The following NCKAP1 variants were observed in gnomAD, a reference collection of about 807,000 sequenced individuals.
NCKAP1 encodes the protein NCK associated protein 1.
NCKAP1 carries 21 observed loss-of-function variants against 151.2 expected under a neutral mutation model. The ratio of observed to expected loss-of-function variants is 0.14; its 90% CI spans 0.10 to 0.20. The LOEUF (loss-of-function observed/expected upper bound fraction) is 0.20. NCKAP1 is among the 10% of genes least tolerant of loss of function. The pLI is 1.00. For synonymous variants in NCKAP1, 484 were observed against 451.8 expected, an observed-to-expected ratio of 1.07 and a Z score of -0.90; for missense variants, 933 against 1,352.1, an observed-to-expected ratio of 0.69 and a Z score of 4.86.
intron 2 of NCKAP1, among the ~76,000 whole-genome samples, chr2:183,014,655 CAT>C (rs1575065821): frequency 6.6e-6 from 1 of 152,268 alleles, no homozygotes; most frequent in East Asian, 1.9e-4. Context: ...TACTCTGCAA[CAT>C]GTGTTATTTA....
At chr2:182,927,444 A>C (rs556487710) in intron 29 of NCKAP1, among the ~76,000 whole-genome samples, 1 of 152,212 alleles carries the variant, frequency 6.6e-6, no homozygotes, top group East Asian at 1.9e-4. Context: ...TTTTTAAAAA[A>C]GCTGACAGGA....
At chr2:182,982,667 G>C (rs746124462) in intron 12 of NCKAP1, among the ~76,000 whole-genome samples, 154 bp downstream of exon 12, 2 of 152,084 alleles carry the variant, frequency 1.3e-5, no homozygotes, top group Non-Finnish European at 2.9e-5. Context: ...GGTAGGCTAG[G>C]CTAAGCTCTA....
At chr2:182,942,810 C>G (rs1697024761) in intron 23 of NCKAP1, among the ~76,000 whole-genome samples, 1 of 151,920 alleles carries the variant, frequency 6.6e-6, no homozygotes, top group Non-Finnish European at 1.5e-5. Context: ...GAAGAATGTT[C>G]TCCTCAAAAG....
At chr2:183,013,741 T>C (rs12622778) in intron 2 of NCKAP1, among the ~76,000 whole-genome samples, 2,483 of 152,246 alleles carry the variant, frequency 0.016, 56 homozygotes, top group African/African-American at 0.044. Flanking sequence ...CTCACTATGG[T>C]CCAGAAAGCC....
At chr2:183,035,688 G>A (rs1388208501) in intron 1 of NCKAP1, among the ~76,000 whole-genome samples, 1 of 152,142 alleles carries the variant, frequency 6.6e-6, no homozygotes, top group East Asian at 1.9e-4. Context: ...AGCCAGCTGG[G>A]AAGATATGCC....
intron 24 of NCKAP1, among the ~76,000 whole-genome samples, chr2:182,940,478 C>T (rs971135942): frequency 6.6e-6 from 1 of 151,438 alleles, no homozygotes; most frequent in Non-Finnish European, 1.5e-5. Context: ...TTGCTCTTGT[C>T]GCCCAGGCTG....
At position 182,917,505 on chromosome 2, in the gene NCKAP1, C is replaced by T. The variant is rs1293093465; in HGVS notation, c.*8197G>A. ...CTTCCAGCTACAAATGACTAAAATG[C>T]TCCATCATTACAATCATTGATACAT... On this transcript the variant is annotated 3_prime_UTR_variant, in exon 31 of 31. Coordinates refer to ENST00000361354, the MANE Select transcript of NCKAP1 (RefSeq NM_013436.5). 6.6e-6 allele frequency: 1 copy of T among 152,176 alleles called. No homozygotes were observed. Among genetic ancestry groups the T allele is most frequent in the Non-Finnish European group, 1.5e-5 (1 of 68,014 alleles). 9.4% of individuals were successfully genotyped at this position (152,176 alleles called of 1,614,324 possible). A position where few individuals can be genotyped will look rare whatever the true frequency, so the allele number is the denominator to read the frequency against.
intron 6 of NCKAP1, among the ~76,000 whole-genome samples, chr2:183,000,998 G>A (rs1453283900): frequency 6.6e-6 from 1 of 152,190 alleles, no homozygotes; most frequent in Non-Finnish European, 1.5e-5. Flanking sequence ...TCGAGGCAGG[G>A]GCAGGAGAAT....
chr2:182,925,416 T>A lies in NCKAP1; in HGVS notation c.*286A>T. 1 of 176,222 alleles carries A rather than the reference T, an allele frequency of 5.7e-6. No individual in the cohort carries two copies. The allele number at this position is 176,222 out of a possible 1,614,324, so 10.9% of individuals were successfully genotyped here. A position where few individuals can be genotyped will look rare whatever the true frequency, so the allele number is the denominator to read the frequency against. On this transcript the variant is annotated 3_prime_UTR_variant, in exon 31 of 31. Coordinates refer to ENST00000361354, the MANE Select transcript of NCKAP1 (RefSeq NM_013436.5). The stretch of plus-strand genomic sequence containing the variant: ...AGAAATAAACAAGCAAAGATTTTTT[T>A]CATTATCAAATATCAAAAACATGTT...
In NCKAP1 at chr2:183,001,942, C is replaced by T; in HGVS notation, c.603+11G>A. ...GCCCATTCTCTCATATGCCTAACAA[C>T]TGCCTCTTACCTTGCTATGGGGTAC... On this transcript the variant is annotated intron_variant, in intron 6 of 30. Transcript: ENST00000361354. 1 of 1,603,816 alleles carries T rather than the reference C, an allele frequency of 6.2e-7. No individual in the cohort carries two copies. Among genetic ancestry groups the T allele is most frequent in the Non-Finnish European group, 8.5e-7 (1 of 1,170,860 alleles).
chr2:182,914,257 T>C lies in NCKAP1; in HGVS notation c.*11445A>G, dbSNP rs773507724. On this transcript the variant is annotated 3_prime_UTR_variant, in exon 31 of 31. Coordinates refer to ENST00000361354, the MANE Select transcript of NCKAP1 (RefSeq NM_013436.5). The stretch of plus-strand genomic sequence containing the variant: ...CACATAGTAGGTATTTTAAAAACTA[T>C]ATTCATTGAACTGATGTTAGGATAT... The C allele has an allele frequency of 1.3e-5, 2 of 152,230 alleles. No individual in the cohort carries two copies. The highest frequency in any genetic ancestry group is 6.5e-5 in the Admixed American group (1 of 15,274). 9.4% of individuals were successfully genotyped at this position (152,230 alleles called of 1,614,324 possible).
rs1024711441 is a variant in NCKAP1, at chr2:182,911,438, G to A, written c.*14264C>T. 9 of 152,050 alleles carry A rather than the reference G, an allele frequency of 5.9e-5. No individual in the cohort carries two copies. The highest frequency in any genetic ancestry group is 2.2e-4 in the African/African-American group (9 of 41,378). The allele number at this position is 152,050 out of a possible 1,614,324, so 9.4% of individuals were successfully genotyped here. A position where few individuals can be genotyped will look rare whatever the true frequency, so the allele number is the denominator to read the frequency against. On this transcript the variant is annotated 3_prime_UTR_variant, in exon 31 of 31. Transcript: ENST00000361354. ...ACTATATGAATAAGACCAAAAAATG[G>A]CCATCAGTTCATGACTTTATTAACT...
Position 182,926,861 on chromosome 2 carries a change from T to C in NCKAP1, c.3225A>G (p.Lys1075=). 1 of 1,606,244 alleles carries C rather than the reference T, an allele frequency of 6.2e-7. No individual in the cohort carries two copies. The highest frequency in any genetic ancestry group is 8.5e-7 in the Non-Finnish European group (1 of 1,175,210). The change falls in exon 30 of 31, where the codon AAA becomes AAG. Residue 1075 remains lysine, a synonymous_variant. Coordinates refer to ENST00000361354, the MANE Select transcript of NCKAP1 (RefSeq NM_013436.5). Reference sequence around the variant, plus strand: ...CAGATTCTCTATTTCTTGTTGTAGTTTTATCTGTCTCCTGGCCAATTTTCA... The same window carrying C: ...CAGATTCTCTATTTCTTGTTGTAGTCTTATCTGTCTCCTGGCCAATTTTCA... The part of the protein sequence containing the change: ...SLLKIGQETD[K]TTTRNRESVY...
chr2:182,993,840 T>C (rs1575053417), intron 8 of NCKAP1, among the ~76,000 whole-genome samples: 2 of 152,166 alleles, frequency 1.3e-5, no homozygotes, highest in South Asian at 2.1e-4. Flanking sequence ...AACCTGCACA[T>C]GTATGCATGA....
chr2:182,963,504 A>G (rs1406676197), intron 17 of NCKAP1, among the ~76,000 whole-genome samples: 1 of 152,150 alleles, frequency 6.6e-6, no homozygotes, highest in African/African-American at 2.4e-5. Context: ...GCCTTTGGCT[A>G]CGGTGCCAAG....
intron 2 of NCKAP1, among the ~76,000 whole-genome samples, chr2:183,007,381 A>G (rs915613866): frequency 6.6e-5 from 10 of 152,228 alleles, no homozygotes; most frequent in African/African-American, 2.2e-4. Flanking sequence ...AATCCTGGTA[A>G]TTAATCTTTG....
intron 20 of NCKAP1, among the ~76,000 whole-genome samples, chr2:182,953,574 GCAGATGA>G (rs1178574859): frequency 6.6e-6 from 1 of 152,190 alleles, no homozygotes; most frequent in Non-Finnish European, 1.5e-5. Flanking sequence ...GACGAGGCGG[GCAGATGA>G]CTTGAAGTCA....
chr2:183,024,734 C>T (rs1188315871), intron 1 of NCKAP1, among the ~76,000 whole-genome samples: 2 of 152,140 alleles, frequency 1.3e-5, no homozygotes, highest in East Asian at 1.9e-4. Flanking sequence ...AGATGTTATT[C>T]CTTAGGGAAT....
At position 182,979,036 on chromosome 2, in the gene NCKAP1, TA is replaced by T. The variant is rs1344157129; in HGVS notation, c.1342-122del. On this transcript the variant is annotated intron_variant, in intron 13 of 30. Coordinates refer to ENST00000361354, the MANE Select transcript of NCKAP1 (RefSeq NM_013436.5). ...CATACTATGGAATATTTTTCAGTAATAAAAAAGAAATGAAATTTTAACACAC... is the reference window on the plus strand; with the variant it reads ...CATACTATGGAATATTTTTCAGTAATAAAAAGAAATGAAATTTTAACACAC... The T allele has an allele frequency of 1.0e-5, 5 of 482,204 alleles. No homozygotes were observed. The South Asian group carries it at 2.7e-4, about 26-fold the overall frequency. The allele number at this position is 482,204 out of a possible 1,614,324, so 29.9% of individuals were successfully genotyped here.
Sources: gnomAD v4.1 joint callset for allele counts (sites outside exome capture counted in the v4.1 genomes callset) on GRCh38, gnomAD v4.1.1 for gene constraint, MANE v1.5 for transcripts, NCBI Gene and HGNC (gene_info 2026-07-23, HGNC 2026-07-21) for gene names.